ZNF438: variants seen among roughly 807,000 people sequenced by gnomAD.
The protein encoded by ZNF438 is zinc finger protein 438.
A neutral mutation model predicts 38.0 loss-of-function variants in ZNF438; 25 were observed. The ratio of observed to expected loss-of-function variants is 0.66; its 90% confidence interval spans 0.48 to 0.92. The LOEUF is 0.92. Ranked by LOEUF, ZNF438 falls within the 40% of genes least tolerant of loss-of-function variation. ZNF438 has a pLI of 0.00. For synonymous variants in ZNF438, 372 were observed against 364.1 expected (o/e 1.02, Z -0.25); for missense variants, 1,007 against 999.6 (o/e 1.01, Z -0.10).
intron 1 of ZNF438, among the ~76,000 whole-genome samples, chr10:30,952,160 C>T (rs2048286782): frequency 6.6e-6 from 1 of 151,686 alleles, no homozygotes; most frequent in Admixed American, 6.6e-5. Context: ...AAAGGATTCC[C>T]TATTTAATAA....
chr10:30,936,021 G>A (rs919920676), intron 2 of ZNF438, among the ~76,000 whole-genome samples: 1 of 152,048 alleles, frequency 6.6e-6, no homozygotes, highest in Non-Finnish European at 1.5e-5. Flanking sequence ...AGGTGAAGCC[G>A]GTACTCAAAC....
chr10:30,984,783 C>T (rs535027939), intron 1 of ZNF438, among the ~76,000 whole-genome samples: 3 of 152,274 alleles, frequency 2.0e-5, no homozygotes, highest in African/African-American at 4.8e-5. Context: ...ATTCAGGGCG[C>T]AGCCTTTTTG....
chr10:30,988,284 A>G (rs945392435), intron 1 of ZNF438, among the ~76,000 whole-genome samples: 1 of 152,190 alleles, frequency 6.6e-6, no homozygotes. Flanking sequence ...CACAATTTAT[A>G]TAGAAAACAG....
chr10:30,945,136 T>C lies in ZNF438; in HGVS notation c.-191-3485A>G, dbSNP rs989891890. On this transcript the variant is annotated intron_variant, in intron 1 of 5. Transcript: ENST00000413025. ...GAAGTGTTGAGAAAACTAACTGTAA[T>C]AGCTTTATCTATTTCTCTTTTCTGT... is the stretch of plus-strand genomic sequence containing the variant. Among the ~76,000 whole-genome samples the C allele has an allele frequency of 1.1e-4, 16 of 152,068 alleles. No homozygotes were observed. The East Asian group carries it at 1.4e-3, about 13-fold the overall frequency.
chr10:30,928,220 T>C (rs1449824302), intron 2 of ZNF438, among the ~76,000 whole-genome samples: 2 of 152,210 alleles, frequency 1.3e-5, no homozygotes, highest in African/African-American at 4.8e-5. Flanking sequence ...CAATTTGGAA[T>C]AGACTTTTAA....
At chr10:30,859,240 C>T (rs543015433) in intron 4 of ZNF438, among the ~76,000 whole-genome samples, 10 of 152,270 alleles carry the variant, frequency 6.6e-5, no homozygotes, top group African/African-American at 2.4e-4. Flanking sequence ...CACCAACATG[C>T]TGGGCTAATT....
chr10:31,000,634 T>C (rs569238255), intron 1 of ZNF438, among the ~76,000 whole-genome samples: 25 of 152,312 alleles, frequency 1.6e-4, no homozygotes. Flanking sequence ...CCCAGACTTT[T>C]AGAAGGGACA....
At chr10:31,031,198 T>C (rs2057270492) in intron 1 of ZNF438, among the ~76,000 whole-genome samples, 1 of 152,212 alleles carries the variant, frequency 6.6e-6, no homozygotes, top group South Asian at 2.1e-4. Flanking sequence ...GGCTACCACA[T>C]TCCTCAGAAT....
intron 3 of ZNF438, among the ~76,000 whole-genome samples, chr10:30,895,694 C>A (rs3006599): frequency 2.0e-5 from 3 of 152,072 alleles, no homozygotes; most frequent in African/African-American, 4.8e-5. Context: ...CAGAGCGAAG[C>A]ATTTGTATAG....
intron 2 of ZNF438, among the ~76,000 whole-genome samples, chr10:30,938,329 G>A (rs1255342216): frequency 1.3e-5 from 2 of 151,330 alleles, no homozygotes; most frequent in Admixed American, 6.6e-5. Context: ...CCAGGCTGGA[G>A]TGCAATGGCA....
intron 4 of ZNF438, among the ~76,000 whole-genome samples, chr10:30,865,121 G>A (rs2133264082): frequency 6.6e-6 from 1 of 152,316 alleles, no homozygotes; most frequent in East Asian, 1.9e-4. Context: ...CCAGTGACCG[G>A]TGAGTGCCAC....
At chr10:30,881,018 T>G (rs55964898) in intron 3 of ZNF438, among the ~76,000 whole-genome samples, 5,901 of 152,222 alleles carry the variant, frequency 0.039, 360 homozygotes, top group African/African-American at 0.13. Context: ...ATGAGAAACC[T>G]AAAGCTAAAA....
At chr10:31,002,665 C>T (rs915257426) in intron 1 of ZNF438, among the ~76,000 whole-genome samples, 3 of 152,226 alleles carry the variant, frequency 2.0e-5, no homozygotes, top group Non-Finnish European at 4.4e-5. Context: ...CTCCCACTCC[C>T]TTTGCTAAGA....
intron 1 of ZNF438, among the ~76,000 whole-genome samples, chr10:31,004,773 G>A (rs1346476381): frequency 6.6e-6 from 1 of 152,146 alleles, no homozygotes; most frequent in Non-Finnish European, 1.5e-5. Flanking sequence ...GAAGGAACTG[G>A]TAACAGAAAG....
chr10:31,019,888 G>A (rs999469657), intron 1 of ZNF438, among the ~76,000 whole-genome samples: 1 of 152,050 alleles, frequency 6.6e-6, no homozygotes, highest in Admixed American at 6.6e-5. Flanking sequence ...TAAATGAAGA[G>A]AATCTCACTC....
At chr10:30,941,852 T>G (rs1466869361) in intron 1 of ZNF438, among the ~76,000 whole-genome samples, 1 of 152,206 alleles carries the variant, frequency 6.6e-6, no homozygotes, top group Non-Finnish European at 1.5e-5. Flanking sequence ...AAATAGGAGA[T>G]ATATTGTCTT....
intron 1 of ZNF438, among the ~76,000 whole-genome samples, chr10:30,950,855 TC>T (rs1430751132): frequency 8.7e-6 from 1 of 114,668 alleles, no homozygotes; most frequent in Non-Finnish European, 1.9e-5. Flanking sequence ...CTGAAATTAT[TC>T]CAATCAATAG....
In ZNF438 at chr10:30,953,640, A is replaced by AAT. The variant is rs2048504463; in HGVS notation, c.-191-11990_-191-11989insAT. On this transcript the variant is annotated intron_variant, in intron 1 of 5. Transcript: ENST00000413025. ...ACCCTAAAACTTAAAATATAATAAT[A>AAT]AAAAAAAAAACATACACACACACAC... Among the ~76,000 whole-genome samples, 9 of 98,870 alleles carry AAT rather than the reference A, an allele frequency of 9.1e-5. No homozygotes were observed. In the South Asian group the frequency reaches 2.6e-3, roughly 29 times the overall value. The allele number at this position is 98,870 out of a possible 152,430, so 64.9% of individuals were successfully genotyped here. A position where few individuals can be genotyped will look rare whatever the true frequency, so the allele number is the denominator to read the frequency against.
At chr10:30,888,483 A>G (rs2040249250) in intron 3 of ZNF438, among the ~76,000 whole-genome samples, 1 of 152,184 alleles carries the variant, frequency 6.6e-6, no homozygotes, top group East Asian at 1.9e-4. Flanking sequence ...ACTAAACCTA[A>G]TACCCAATAG....
Sources: allele counts gnomAD v4.1 joint callset (sites outside exome capture counted in the v4.1 genomes callset), GRCh38; gene constraint gnomAD v4.1.1; transcripts MANE v1.5; gene names NCBI Gene and HGNC (gene_info 2026-07-23, HGNC 2026-07-21).